USP54: variants seen among roughly 807,000 people sequenced by gnomAD.
USP54 encodes ubiquitin carboxyl-terminal hydrolase 54.
In USP54, 87 loss-of-function variants were observed where a neutral mutation model predicts 170.5. The ratio of observed to expected loss-of-function variants is 0.51; its 90% CI spans 0.43 to 0.61. The LOEUF is 0.61. Ranked by LOEUF, USP54 falls within the 20% of genes least tolerant of loss-of-function variation. The pLI is 0.00. For missense variants in USP54, 1,786 were observed against 2,047.8 expected (o/e 0.87, Z 2.47); for synonymous variants, 655 against 742.8 (o/e 0.88, Z 1.92).
At chr10:73,584,182 G>A (rs2077210735) in intron 1 of USP54, among the ~76,000 whole-genome samples, 1 of 152,182 alleles carries the variant, frequency 6.6e-6, no homozygotes, top group African/African-American at 2.4e-5. Flanking sequence ...GAGGTCAGGA[G>A]CTCGAGACCA....
upstream of USP54, among the ~76,000 whole-genome samples, chr10:73,594,835 TAAGG>T (rs1256613993): frequency 6.6e-6 from 1 of 151,960 alleles, no homozygotes; most frequent in Non-Finnish European, 1.5e-5. Flanking sequence ...CTCTAGGTTG[TAAGG>T]AAGAATATAC....
chr10:73,509,483 C>T lies in USP54; in HGVS notation c.4052-4057G>A, dbSNP rs1007961340. Among the ~76,000 whole-genome samples, 21 of 149,618 alleles carry T rather than the reference C, an allele frequency of 1.4e-4. 1 individual carries two copies. Among genetic ancestry groups the T allele is most frequent in the South Asian group, 8.5e-4 (4 of 4,730 alleles). On this transcript the variant is annotated intron_variant, in intron 20 of 23. Coordinates refer to ENST00000687698, the MANE Select transcript of USP54 (RefSeq NM_001391956.1). ...AACAAAAATTAGCCAGGCGTGGTGG[C>T]GCGTGCCTGTAATCCCAGCTACTCA...
intron 4 of USP54, among the ~76,000 whole-genome samples, chr10:73,556,290 T>C (rs575046772): frequency 2.0e-5 from 3 of 151,998 alleles, no homozygotes; most frequent in Admixed American, 2.0e-4. Flanking sequence ...ATTTCTACAA[T>C]CTGCAAAAGA....
rs1224345141 is a variant in USP54, at chr10:73,614,203, CAAAA to C, written c.-18+11360_-18+11363del. Among the ~76,000 whole-genome samples the C allele has an allele frequency of 1.3e-5, 2 of 149,750 alleles. 1 individual carries two copies. Among genetic ancestry groups the C allele is most frequent in the African/African-American group, 5.1e-5 (2 of 39,380 alleles). On this transcript the variant is annotated intron_variant, in intron 1 of 22. Coordinates refer to the USP54 transcript ENST00000339859. ...GGTGATACCTGTCTCAAAAAACAAACAAAAAAACTGTATGGTACTGGCCCAAGAA... is the reference window on the plus strand; with the variant it reads ...GGTGATACCTGTCTCAAAAAACAAACAAACTGTATGGTACTGGCCCAAGAA...
intron 4 of USP54, among the ~76,000 whole-genome samples, chr10:73,559,828 G>A (rs2072376848): frequency 2.0e-5 from 3 of 152,058 alleles, no homozygotes; most frequent in East Asian, 1.9e-4. Context: ...GAGTTTGGGA[G>A]GCCAAGGAGG....
intron 4 of USP54, among the ~76,000 whole-genome samples, chr10:73,559,204 T>A (rs1239491812): frequency 2.0e-5 from 3 of 152,210 alleles, no homozygotes; most frequent in African/African-American, 7.2e-5. Flanking sequence ...GTGGATCACC[T>A]GAAGTTGGGA....
chr10:73,551,827 A>C (rs546872628), intron 4 of USP54, among the ~76,000 whole-genome samples: 1 of 152,338 alleles, frequency 6.6e-6, no homozygotes, highest in Admixed American at 6.5e-5. Context: ...TTCTATACAA[A>C]TCTGAAATTT....
intron 1 of USP54, among the ~76,000 whole-genome samples, chr10:73,587,700 A>T (rs1285474415): frequency 6.6e-6 from 1 of 152,224 alleles, no homozygotes; most frequent in Non-Finnish European, 1.5e-5. Flanking sequence ...GTACTTCATC[A>T]GAAAAAATGT....
chr10:73,593,854 T>A (rs2078496026), upstream of USP54, among the ~76,000 whole-genome samples: 1 of 152,142 alleles, frequency 6.6e-6, no homozygotes, highest in African/African-American at 2.4e-5. Context: ...TACAACAGAA[T>A]GTTCAATGCA....
At chr10:73,511,683 G>A (rs1187874962) in intron 20 of USP54, among the ~76,000 whole-genome samples, 1 of 151,480 alleles carries the variant, frequency 6.6e-6, no homozygotes, top group Non-Finnish European at 1.5e-5. Context: ...ATTTTAAAAA[G>A]TAATGTAATT....
intron 4 of USP54, among the ~76,000 whole-genome samples, chr10:73,561,478 A>T (rs535013503): frequency 1.8e-4 from 28 of 152,238 alleles, no homozygotes; most frequent in Non-Finnish European, 2.9e-4. Flanking sequence ...TAATTAAAAA[A>T]TTTAAAATTT....
At chr10:73,618,354 T>C (rs1380532851) in intron 1 of USP54, among the ~76,000 whole-genome samples, 3 of 150,528 alleles carry the variant, frequency 2.0e-5, no homozygotes. Context: ...CTCAAACACC[T>C]GGGCTCAAGG....
chr10:73,535,773 G>C (rs1475082895), intron 11 of USP54, among the ~76,000 whole-genome samples: 1 of 152,018 alleles, frequency 6.6e-6, no homozygotes, highest in Non-Finnish European at 1.5e-5. Flanking sequence ...CGAACTCCAG[G>C]GCTCAAGTGA....
In USP54 at chr10:73,498,981, T is replaced by G; in HGVS notation, c.4703A>C (p.Tyr1568Ser). 6.2e-7 allele frequency: 1 copy of G among 1,614,052 alleles called. No individual in the cohort carries two copies. The highest frequency in any genetic ancestry group is 2.2e-5 in the East Asian group (1 of 44,874). The change falls in exon 24 of 24, where the codon TAC (tyrosine) becomes TCC (serine). Residue 1568 changes from tyrosine to serine, a missense_variant. By Grantham distance (144) the Tyr-to-Ser change is moderately radical. Around this residue, in one of 3 missense-constraint regions of USP54, gnomAD observed 1,418 missense variants for 1,569.0 expected, o/e 0.90. Coordinates refer to ENST00000687698, the MANE Select transcript of USP54 (RefSeq NM_001391956.1). ...GCTTCTTTCTGGTAGTGTGGCAGTG[T>G]AGGTTAGTTGAGGATTGCACCCTGG... Reference protein sequence around the residue: ...TTPGCNPQLTYTATLPERSKG... With the variant: ...TTPGCNPQLTSTATLPERSKG...
rs145980931 is a variant in USP54, at chr10:73,565,176, A to G, written c.240+6245T>C. ...AGTGAATGAGAAATAAATCTTTGGT[A>G]TATTAATCACAGGGATTTTATGGTT... is the stretch of plus-strand genomic sequence containing the variant. On this transcript the variant is annotated intron_variant, in intron 4 of 23. Coordinates refer to ENST00000687698, the MANE Select transcript of USP54 (RefSeq NM_001391956.1). 2.6e-4 allele frequency among the ~76,000 whole-genome samples: 40 copies of G among 152,280 alleles called. No homozygotes were observed. The East Asian group carries it at 7.5e-3, about 29-fold the overall frequency.
chr10:73,523,297 C>T (rs779681731), intron 17 of USP54, among the ~76,000 whole-genome samples: 6 of 152,148 alleles, frequency 3.9e-5, no homozygotes, highest in Non-Finnish European at 8.8e-5. Context: ...TGACTCAAGG[C>T]TAGTTTTATT....
intron 6 of USP54, 47 bp downstream of exon 6, chr10:73,542,969 TAA>T (rs1208259712): frequency 6.2e-7 from 1 of 1,607,874 alleles, no homozygotes; most frequent in Non-Finnish European, 8.5e-7. Context: ...CATCCCAGGA[TAA>T]AGTGTTCTGG....
intron 4 of USP54, among the ~76,000 whole-genome samples, chr10:73,567,345 T>A (rs973889996): frequency 6.6e-6 from 1 of 152,218 alleles, no homozygotes; most frequent in Non-Finnish European, 1.5e-5. Context: ...AAATGCTTTT[T>A]AAATTGCATT....
chr10:73,509,105 CAAAA>C (rs34441562), intron 20 of USP54, among the ~76,000 whole-genome samples: 18 of 47,292 alleles, frequency 3.8e-4, no homozygotes, highest in African/African-American at 1.1e-3. Context: ...ATCATACTGG[CAAAA>C]AAAAAAAAAA....
Sources: gnomAD v4.1 joint callset for allele counts (sites outside exome capture counted in the v4.1 genomes callset) on GRCh38, gnomAD v4.1.1 for gene constraint, gnomAD v4.1.1 regional missense constraint, MANE v1.5 for transcripts, NCBI Gene and HGNC (gene_info 2026-07-23, HGNC 2026-07-21) for gene names.